Variants in MPHOSPH9 observed in about 807,000 individuals in gnomAD.
MPHOSPH9 encodes M-phase phosphoprotein 9.
In MPHOSPH9, 88 loss-of-function variants were observed where a neutral mutation model predicts 145.5. That is an observed-to-expected ratio of 0.60 (90% CI 0.51 to 0.72). The LOEUF is 0.72. MPHOSPH9 is among the 30% of genes least tolerant of loss of function. The probability of loss-of-function intolerance (pLI) is 0.00; values close to 1 mark genes in which losing one functional copy is unlikely to be tolerated. For synonymous variants in MPHOSPH9, 435 were observed against 486.2 expected (o/e 0.89, Z 1.39); for missense variants, 1,238 against 1,386.6 (o/e 0.89, Z 1.70).
intron 12 of MPHOSPH9, 52 bp downstream of exon 12, chr12:123,198,195 C>G: frequency 7.5e-7 from 1 of 1,341,348 alleles, no homozygotes; most frequent in Non-Finnish European, 1.1e-6. Context: ...GATGTTATCA[C>G]GAAATAATTC....
chr12:123,167,853 G>GT (rs2044381780), intron 16 of MPHOSPH9, among the ~76,000 whole-genome samples: 1 of 152,062 alleles, frequency 6.6e-6, no homozygotes, highest in African/African-American at 2.4e-5. Context: ...AGCCTGCCTT[G>GT]TTTTCTCCAC....
At position 123,221,903 on chromosome 12, in the gene MPHOSPH9, TAA is replaced by T; in HGVS notation, c.349-10_349-9del. On this transcript the variant is annotated splice_polypyrimidine_tract_variant and intron_variant, in intron 4 of 23. Coordinates refer to ENST00000606320, the MANE Select transcript of MPHOSPH9 (RefSeq NM_022782.4). ...TATCTCCTCCTGTATATGCTGGAAA[TAA>T]AAAGTTATAGATTTGGGTAAGAAAG... 1.4e-6 allele frequency: 2 copies of T among 1,449,890 alleles called. No individual in the cohort carries two copies. The highest frequency in any genetic ancestry group is 1.8e-6 in the Non-Finnish European group (2 of 1,082,088). 89.8% of individuals were successfully genotyped at this position (1,449,890 alleles called of 1,614,324 possible).
intron 1 of MPHOSPH9, among the ~76,000 whole-genome samples, chr12:123,232,335 G>A (rs2047682872): frequency 6.6e-6 from 1 of 151,984 alleles, no homozygotes; most frequent in Non-Finnish European, 1.5e-5. Context: ...GGGCAGGGAA[G>A]TAAGAGGGAA....
At chr12:123,153,554 G>A (rs2043811393), downstream of MPHOSPH9, among the ~76,000 whole-genome samples, 1 of 152,044 alleles carries the variant, frequency 6.6e-6, no homozygotes. Context: ...ATCATTTGGG[G>A]TCAGAAGTTC....
rs368576040 is a variant in MPHOSPH9 at position 123,198,286 on chromosome 12, T to C, written c.1986A>G (p.Arg662=). 5 of 1,612,348 alleles carry C rather than the reference T, an allele frequency of 3.1e-6. No individual in the cohort carries two copies. The highest frequency in any genetic ancestry group is 4.2e-6 in the Non-Finnish European group (5 of 1,179,074). ...SALHEATSRV[R]TLENKNNLLE... is the part of the protein sequence containing the mutation. Reference sequence around the variant, plus strand: ...GTAAGTTATTCTTATTTTCAAGTGTTCTCACGCGACTAGTAGCTTCATGCA... The same window carrying C: ...GTAAGTTATTCTTATTTTCAAGTGTCCTCACGCGACTAGTAGCTTCATGCA... The change falls in exon 12 of 24, where the codon AGA becomes AGG. Residue 662 remains arginine, a synonymous_variant. Coordinates refer to ENST00000606320, the MANE Select transcript of MPHOSPH9 (RefSeq NM_022782.4).
intron 23 of MPHOSPH9, among the ~76,000 whole-genome samples, chr12:123,157,986 A>AT (rs1256724225): frequency 0.026 from 3,942 of 149,356 alleles, 166 homozygotes; most frequent in African/African-American, 0.091. Context: ...CTTTTATTTT[A>AT]TTTTTTTTTT....
intron 5 of MPHOSPH9, among the ~76,000 whole-genome samples, chr12:123,220,995 C>T (rs1347997550): frequency 6.6e-6 from 1 of 152,138 alleles, no homozygotes; most frequent in Non-Finnish European, 1.5e-5. Context: ...GCGGAGCTTG[C>T]AGTGAGCCGA....
intron 5 of MPHOSPH9, among the ~76,000 whole-genome samples, chr12:123,220,015 G>A (rs903509177): frequency 2.6e-5 from 4 of 151,968 alleles, no homozygotes; most frequent in African/African-American, 4.8e-5. Flanking sequence ...CCAACACGGC[G>A]AAACCCCGTC....
intron 5 of MPHOSPH9, among the ~76,000 whole-genome samples, chr12:123,219,193 C>A (rs188053827): frequency 6.6e-6 from 1 of 152,072 alleles, no homozygotes; most frequent in Non-Finnish European, 1.5e-5. Context: ...GTGTGAGCCA[C>A]TGCGCCCAGC....
chr12:123,172,913 GCT>G (rs1334153754), intron 16 of MPHOSPH9, among the ~76,000 whole-genome samples: 5 of 128,938 alleles, frequency 3.9e-5, no homozygotes, highest in Non-Finnish European at 8.0e-5. Flanking sequence ...ACAGAGCGGT[GCT>G]CTGTCACCCA....
intron 13 of MPHOSPH9, among the ~76,000 whole-genome samples, 167 bp from the exon 14 acceptor site, chr12:123,181,377 C>A (rs1206058977): frequency 6.6e-6 from 1 of 152,064 alleles, no homozygotes; most frequent in African/African-American, 2.4e-5. Flanking sequence ...TGGGACAATT[C>A]TCAATTTCTG....
At chr12:123,164,725 C>T (rs2044240647) in intron 18 of MPHOSPH9, among the ~76,000 whole-genome samples, 1 of 152,126 alleles carries the variant, frequency 6.6e-6, no homozygotes. Context: ...TGGTTCACGC[C>T]TGTAATCACA....
At chr12:123,206,886 C>T (rs1022132060) in intron 8 of MPHOSPH9, among the ~76,000 whole-genome samples, 4 of 150,496 alleles carry the variant, frequency 2.7e-5, no homozygotes, top group South Asian at 4.2e-4. Flanking sequence ...TGCACTCCAG[C>T]CTGGCAACAG....
intron 23 of MPHOSPH9, among the ~76,000 whole-genome samples, chr12:123,158,950 G>C (rs562879496): frequency 6.6e-6 from 1 of 152,046 alleles, no homozygotes; most frequent in South Asian, 2.1e-4. Context: ...CTTTGAATTA[G>C]GCCGGGCCCA....
At chr12:123,182,250 TTTTTTTTTTTG>T (rs1593118425) in intron 13 of MPHOSPH9, among the ~76,000 whole-genome samples, 1 of 44,890 alleles carries the variant, frequency 2.2e-5, no homozygotes, top group African/African-American at 4.0e-5. Context: ...TTTTTTTGTG[TTTTTTTTTTTG>T]TTTTTTTTTT....
rs1200415064 is a variant in MPHOSPH9 at position 123,233,104 on chromosome 12, G to A, written c.-188C>T. 2.0e-5 allele frequency: 3 copies of A among 151,934 alleles called. No individual in the cohort carries two copies. The East Asian group carries it at 5.9e-4, about 30-fold the overall frequency. The allele number at this position is 151,934 out of a possible 1,614,324, so 9.4% of individuals were successfully genotyped here. On this transcript the variant is annotated 5_prime_UTR_variant, in exon 1 of 24. Transcript: ENST00000606320. ...CCGCCGCTCCCGCTGCCGATGTCAG[G>A]GTCATGCAAGCGGCCTCTCGCGACC...
In MPHOSPH9 at chr12:123,154,413, T is replaced by A. The variant is rs995867079; in HGVS notation, c.*2394A>T. On this transcript the variant is annotated 3_prime_UTR_variant, in exon 24 of 24. Coordinates refer to ENST00000606320, the MANE Select transcript of MPHOSPH9 (RefSeq NM_022782.4). ...GAAAGACAGCAGAAAGAACTTTCCT[T>A]GGTATCCCTCTTCACAGCTATGAAG... The A allele has an allele frequency of 6.6e-6, 1 of 152,182 alleles. No homozygotes were observed. Among genetic ancestry groups the A allele is most frequent in the Non-Finnish European group, 1.5e-5 (1 of 68,028 alleles). The allele number at this position is 152,182 out of a possible 1,614,324, so 9.4% of individuals were successfully genotyped here. A position where few individuals can be genotyped will look rare whatever the true frequency, so the allele number is the denominator to read the frequency against.
intron 3 of MPHOSPH9, 121 bp downstream of exon 3, chr12:123,227,342 T>C (rs530240591): frequency 4.3e-6 from 3 of 702,696 alleles, no homozygotes; most frequent in South Asian, 7.2e-5. Flanking sequence ...TTGACCACTT[T>C]AGCATTAACT....
intron 13 of MPHOSPH9, among the ~76,000 whole-genome samples, chr12:123,181,675 G>A (rs1593116532): frequency 1.3e-5 from 2 of 152,112 alleles, no homozygotes; most frequent in East Asian, 3.9e-4. Flanking sequence ...AGGCTACAGT[G>A]TGCTATGATC....
Sources: allele counts gnomAD v4.1 joint callset (sites outside exome capture counted in the v4.1 genomes callset), GRCh38; gene constraint gnomAD v4.1.1; transcripts MANE v1.5; gene names NCBI Gene and HGNC (gene_info 2026-07-23, HGNC 2026-07-21).